Variants in AGBL1 observed in about 807,000 individuals in gnomAD.
The protein encoded by AGBL1 is AGBL carboxypeptidase 1, also known as cytosolic carboxypeptidase 4.
In AGBL1, 130 loss-of-function variants were observed where a neutral mutation model predicts 118.9. That is an observed-to-expected ratio of 1.09 (90% CI 0.95 to 1.26). The LOEUF is 1.26. AGBL1 is among the 50% of genes most tolerant of loss of function. The pLI, the probability that AGBL1 is intolerant of heterozygous loss-of-function variation, is 0.00. For synonymous variants in AGBL1, 555 were observed against 478.9 expected, an observed-to-expected ratio of 1.16 and a Z score of -2.08; for missense variants, 1,584 against 1,298.1, an observed-to-expected ratio of 1.22 and a Z score of -3.38.
intron 22 of AGBL1, among the ~76,000 whole-genome samples, chr15:86,839,760 A>C (rs2141434037): frequency 6.6e-6 from 1 of 152,312 alleles, no homozygotes; most frequent in South Asian, 2.1e-4. Flanking sequence ...GGTGAAAAGA[A>C]GAGAGGATTC....
chr15:86,344,882 T>G (rs2080512618), intron 17 of AGBL1, among the ~76,000 whole-genome samples: 1 of 152,076 alleles, frequency 6.6e-6, no homozygotes, highest in African/African-American at 2.4e-5. Context: ...GGGAACTTGA[T>G]TTGCCATGCC....
intron 22 of AGBL1, among the ~76,000 whole-genome samples, chr15:86,722,653 A>C (rs1171940081): frequency 1.3e-5 from 2 of 152,266 alleles, no homozygotes; most frequent in Non-Finnish European, 2.9e-5. Flanking sequence ...CAAAATTGAC[A>C]AATGGGATCT....
At chr15:86,507,985 G>A (rs2082999682) in intron 18 of AGBL1, among the ~76,000 whole-genome samples, 1 of 150,908 alleles carries the variant, frequency 6.6e-6, no homozygotes, top group Non-Finnish European at 1.5e-5. Flanking sequence ...CTTTGTTTAG[G>A]AAGCCTAAAA....
At chr15:86,495,482 A>G (rs1596189052) in intron 18 of AGBL1, among the ~76,000 whole-genome samples, 2 of 151,656 alleles carry the variant, frequency 1.3e-5, no homozygotes, top group East Asian at 3.9e-4. Flanking sequence ...GTAGTTTGAT[A>G]AGCATTATTT....
chr15:86,326,787 A>T (rs1056086982), intron 17 of AGBL1, among the ~76,000 whole-genome samples: 1 of 152,230 alleles, frequency 6.6e-6, no homozygotes, highest in African/African-American at 2.4e-5. Flanking sequence ...AAAGATCAGA[A>T]GTGCAGCCAA....
intron 17 of AGBL1, among the ~76,000 whole-genome samples, chr15:86,362,095 A>G (rs1030305762): frequency 2.6e-5 from 4 of 152,022 alleles, no homozygotes; most frequent in African/African-American, 9.7e-5. Flanking sequence ...TCTTTTGTGT[A>G]TCAACTAGAG....
intron 18 of AGBL1, among the ~76,000 whole-genome samples, chr15:86,401,834 C>A (rs560493652): frequency 6.6e-6 from 1 of 152,096 alleles, no homozygotes; most frequent in African/African-American, 2.4e-5. Context: ...TAGCACCGTG[C>A]TGTTTTGGTA....
At chr15:86,631,866 G>T (rs1349521475) in intron 21 of AGBL1, among the ~76,000 whole-genome samples, 1 of 152,078 alleles carries the variant, frequency 6.6e-6, no homozygotes, top group Middle Eastern at 3.2e-3. Context: ...TGTTCTCATT[G>T]GGTTCCCTGC....
chr15:87,004,222 T>C (rs1477924700), intron 24 of AGBL1, among the ~76,000 whole-genome samples: 2 of 152,180 alleles, frequency 1.3e-5, no homozygotes, highest in Non-Finnish European at 2.9e-5. Context: ...TTTCGTTATA[T>C]ACCCAGTAGT....
intron 23 of AGBL1, among the ~76,000 whole-genome samples, chr15:86,936,070 C>CA (rs1217510003): frequency 6.6e-6 from 1 of 152,220 alleles, no homozygotes; most frequent in African/African-American, 2.4e-5. Context: ...GGATGGGTCT[C>CA]ACAGGCGGGC....
chr15:87,016,749 C>G, intron 24 of AGBL1, among the ~76,000 whole-genome samples: 1 of 152,078 alleles, frequency 6.6e-6, no homozygotes, highest in Non-Finnish European at 1.5e-5. Context: ...AAAGGAACCA[C>G]CACCCCCAGC....
At chr15:86,946,971 A>G (rs986203740) in intron 23 of AGBL1, among the ~76,000 whole-genome samples, 2 of 152,032 alleles carry the variant, frequency 1.3e-5, no homozygotes, top group Non-Finnish European at 2.9e-5. Flanking sequence ...TCTGTGTGGC[A>G]TCTTTTCATA....
chr15:86,191,922 A>T (rs2077728662), intron 5 of AGBL1, among the ~76,000 whole-genome samples: 1 of 151,282 alleles, frequency 6.6e-6, no homozygotes, highest in South Asian at 2.1e-4. Flanking sequence ...AAAAAACAAA[A>T]AAAACCAAAA....
At chr15:86,801,070 C>T (rs2078642082) in intron 22 of AGBL1, among the ~76,000 whole-genome samples, 1 of 152,014 alleles carries the variant, frequency 6.6e-6, no homozygotes, top group African/African-American at 2.4e-5. Context: ...GACAAAAAAA[C>T]TCGAACTTAC....
At chr15:86,363,138 C>T (rs1429893995) in intron 17 of AGBL1, among the ~76,000 whole-genome samples, 1 of 151,926 alleles carries the variant, frequency 6.6e-6, no homozygotes, top group Non-Finnish European at 1.5e-5. Flanking sequence ...AAGGGGATCT[C>T]CTTGGTTATG....
At chr15:86,231,357 G>A (rs1002422362) in intron 6 of AGBL1, among the ~76,000 whole-genome samples, 21 of 152,120 alleles carry the variant, frequency 1.4e-4, no homozygotes, top group African/African-American at 4.3e-4. Context: ...CCTAATTCCC[G>A]TCCCCAGAAG....
chr15:86,451,705 G>A (rs1277767363), intron 18 of AGBL1, among the ~76,000 whole-genome samples: 25 of 152,060 alleles, frequency 1.6e-4, no homozygotes. Context: ...ACCTACCAGA[G>A]ACCACCTTCT....
intron 22 of AGBL1, among the ~76,000 whole-genome samples, chr15:86,870,365 C>T: frequency 6.8e-6 from 1 of 147,636 alleles, no homozygotes; most frequent in East Asian, 2.0e-4. Flanking sequence ...TTAAGCTTTT[C>T]CATTTCCTCT....
In AGBL1 at chr15:86,269,863, G is replaced by A. The variant is rs531613365; in HGVS notation, c.1839-56G>A. ...TGAAACGTGTAGATTCTTAGTGTCTGAAGTTTACCTGAAAGACTTTCCAGA... is the reference window on the plus strand; with the variant it reads ...TGAAACGTGTAGATTCTTAGTGTCTAAAGTTTACCTGAAAGACTTTCCAGA... On this transcript the variant is annotated intron_variant, in intron 13 of 22. Transcript: ENST00000614907. 3.0e-5 allele frequency: 48 copies of A among 1,578,876 alleles called. 1 individual carries two copies. The African/African-American group carries it at 3.9e-4, about 13-fold the overall frequency.
Sources: gnomAD v4.1 joint callset for allele counts (sites outside exome capture counted in the v4.1 genomes callset) on GRCh38, gnomAD v4.1.1 for gene constraint, MANE v1.5 for transcripts, NCBI Gene and HGNC (gene_info 2026-07-23, HGNC 2026-07-21) for gene names.